The following OR7E24 variants were observed in gnomAD, a reference collection of about 807,000 sequenced individuals.
OR7E24 encodes the protein olfactory receptor 7E24.
For synonymous variants in OR7E24, 130 were observed against 157.5 expected (o/e 0.83, Z 1.31); for missense variants, 385 against 410.3 (o/e 0.94, Z 0.53).
the OR7E24 span, among the ~76,000 whole-genome samples, chr19:9,218,925 C>A: frequency 6.6e-6 from 1 of 151,518 alleles, no homozygotes; most frequent in Non-Finnish European, 1.5e-5. Flanking sequence ...TGAGCCACTA[C>A]GTTCAGCCAA....
the OR7E24 span, among the ~76,000 whole-genome samples, chr19:9,239,707 CTTTTTTT>C: frequency 1.6e-5 from 2 of 123,026 alleles, no homozygotes; most frequent in Non-Finnish European, 3.3e-5. Context: ...TTTTCTTTTT[CTTTTTTT>C]TTTTTTTTTT....
chr19:9,226,408 G>T, the OR7E24 span, among the ~76,000 whole-genome samples: 5 of 152,336 alleles, frequency 3.3e-5, no homozygotes, highest in African/African-American at 1.2e-4. Context: ...CACATTCCGT[G>T]TTTGTCCTGA....
upstream of OR7E24, among the ~76,000 whole-genome samples, chr19:9,250,045 C>A (rs1189086212): frequency 6.6e-6 from 1 of 152,130 alleles, no homozygotes; most frequent in East Asian, 1.9e-4. Flanking sequence ...AACATCTTTG[C>A]TATCAGTGAT....
the OR7E24 span, among the ~76,000 whole-genome samples, chr19:9,231,528 C>T: frequency 1.3e-5 from 2 of 152,148 alleles, no homozygotes; most frequent in Admixed American, 6.5e-5. Flanking sequence ...TGCAGTGAGC[C>T]GAGATTGCGC....
the OR7E24 span, chr19:9,235,920 T>C: frequency 1.2e-6 from 2 of 1,607,412 alleles, no homozygotes; most frequent in Non-Finnish European, 8.5e-7. Context: ...TTGGGGTCTA[T>C]CTCAGTTCTG....
chr19:9,222,036 G>A, the OR7E24 span, among the ~76,000 whole-genome samples: 2 of 152,124 alleles, frequency 1.3e-5, no homozygotes, highest in African/African-American at 2.4e-5. Context: ...TTCTCTGCCT[G>A]GATATCCAGT....
At chr19:9,231,395 C>T in the OR7E24 span, among the ~76,000 whole-genome samples, 1 of 152,002 alleles carries the variant, frequency 6.6e-6, no homozygotes, top group Admixed American at 6.5e-5. Context: ...TCCTGGCCGA[C>T]ATGGTGAAAC....
At chr19:9,248,943 G>A (rs2066137768), upstream of OR7E24, among the ~76,000 whole-genome samples, 1 of 152,152 alleles carries the variant, frequency 6.6e-6, no homozygotes, top group Non-Finnish European at 1.5e-5. Flanking sequence ...TGTGACAAGG[G>A]GTGAGATGTC....
chr19:9,241,942 C>T, the OR7E24 span, among the ~76,000 whole-genome samples: 1 of 152,076 alleles, frequency 6.6e-6, no homozygotes, highest in Non-Finnish European at 1.5e-5. Flanking sequence ...CTAACTTTTC[C>T]GTTTTATATA....
rs762878321 is a variant in OR7E24, at chr19:9,251,543, T to G, written c.500T>G (p.Phe167Cys). Residue 167 changes from phenylalanine (F) to cysteine (C), a missense_variant, in exon 1 of 1, where the codon TTT becomes TGT. By Grantham distance (205) the Phe-to-Cys change is radical (BLOSUM62 -2). Coordinates refer to ENST00000456448, the MANE Select transcript of OR7E24 (RefSeq NM_001079935.2). ...RLCGFLILLS[F>C]FISLLDSQLH... ...TGTGGCTTCTTAATCTTGTTGTCTT[T>G]TTTTATTAGTCTTTTGGACTCCCAG... 6.2e-7 allele frequency: 1 copy of G among 1,614,172 alleles called. No individual in the cohort carries two copies. Among genetic ancestry groups the G allele is most frequent in the Non-Finnish European group, 8.5e-7 (1 of 1,180,032 alleles).
Position 9,251,075 on chromosome 19 carries a change from TC to T in OR7E24, c.30-8del, listed in dbSNP as rs756873275. 3.1e-6 allele frequency: 5 copies of T among 1,598,338 alleles called. No individual in the cohort carries two copies. The Admixed American group carries it at 5.3e-5, about 17-fold the overall frequency. On this transcript the variant is annotated splice_polypyrimidine_tract_variant and intron_variant, in intron 1 of 1. Transcript: ENST00000641946. ...TATTTTCCAATTCTCTTTTTTTTTTTCCTCAAAAGGTGTCCGAGCTACACAG... is the reference window on the plus strand; with the variant it reads ...TATTTTCCAATTCTCTTTTTTTTTTTCTCAAAAGGTGTCCGAGCTACACAG...
At chr19:9,245,011 C>A (rs1457323953), upstream of OR7E24, among the ~76,000 whole-genome samples, 1 of 152,036 alleles carries the variant, frequency 6.6e-6, no homozygotes, top group African/African-American at 2.4e-5. Flanking sequence ...CAAGACCAGC[C>A]TGGCCAACAT....
chr19:9,243,258 T>C (rs1301921032), upstream of OR7E24, among the ~76,000 whole-genome samples: 1 of 151,888 alleles, frequency 6.6e-6, no homozygotes, highest in Non-Finnish European at 1.5e-5. Flanking sequence ...TGTCTGCCAA[T>C]GGTCAGCATC....
chr19:9,210,199 C>T, the OR7E24 span: 1 of 152,176 alleles, frequency 6.6e-6, no homozygotes, highest in African/African-American at 2.4e-5. Flanking sequence ...AGCATCCTTT[C>T]TTCCACATTC....
At chr19:9,235,230 G>C in the OR7E24 span, 1 of 1,520,044 alleles carries the variant, frequency 6.6e-7, no homozygotes, top group Non-Finnish European at 9.1e-7. Flanking sequence ...TCCTCTTTGG[G>C]CTGTTCCTGT....
upstream of OR7E24, among the ~76,000 whole-genome samples, chr19:9,244,155 C>T (rs2066123283): frequency 1.3e-5 from 2 of 152,200 alleles, no homozygotes. Context: ...ATTTGAAAAA[C>T]CTTGGGAATC....
At chr19:9,213,568 T>C in the OR7E24 span, 1 of 280,556 alleles carries the variant, frequency 3.6e-6, no homozygotes, top group Non-Finnish European at 6.8e-6. Flanking sequence ...TGGAACCCTG[T>C]CTCTACTAAA....
the OR7E24 span, among the ~76,000 whole-genome samples, chr19:9,231,449 G>A: frequency 9.2e-5 from 14 of 152,160 alleles, no homozygotes; most frequent in Admixed American, 6.5e-4. Flanking sequence ...GCATGGTGGC[G>A]CATGCCTGTA....
upstream of OR7E24, chr19:9,250,882 A>G (rs1351799186): frequency 1.7e-6 from 1 of 596,690 alleles, no homozygotes; most frequent in Non-Finnish European, 3.0e-6. Flanking sequence ...GTGTATACAG[A>G]AAGAGGTGAA....
Sources: gnomAD v4.1 joint callset for allele counts (sites outside exome capture counted in the v4.1 genomes callset) on GRCh38, gnomAD v4.1.1 for gene constraint, MANE v1.5 for transcripts, NCBI Gene and HGNC (gene_info 2026-07-23, HGNC 2026-07-21) for gene names.